HMCN1: variants seen among roughly 807,000 people sequenced by gnomAD.
HMCN1 encodes hemicentin 1, also known as hemicentin-1.
HMCN1 carries 321 observed loss-of-function variants against 625.9 expected under a neutral mutation model. The observed-to-expected ratio is 0.51, with a 90% CI of 0.47 to 0.56. HMCN1 has a LOEUF of 0.56. Ranked by LOEUF, HMCN1 falls within the 20% of genes least tolerant of loss-of-function variation. The pLI is 0.00. For missense variants in HMCN1, 6,588 were observed against 6,887.3 expected (o/e 0.96, Z 1.54); for synonymous variants, 2,425 against 2,417.6 (o/e 1.00, Z -0.09).
chr1:186,171,856 A>G (rs1038781721), intron 101 of HMCN1, 150 bp from the exon 102 acceptor site: 3 of 651,386 alleles, frequency 4.6e-6, no homozygotes, highest in Admixed American at 5.8e-5. Context: ...TGTTACATAC[A>G]TTGTTGAATT....
chr1:185,790,506 T>A (rs1163938558), intron 1 of HMCN1, among the ~76,000 whole-genome samples: 1 of 152,210 alleles, frequency 6.6e-6, no homozygotes, highest in East Asian at 1.9e-4. Context: ...ACTCTTTCTC[T>A]CTGCATATGG....
At chr1:185,876,186 T>G (rs187725789) in intron 4 of HMCN1, among the ~76,000 whole-genome samples, 1 of 152,228 alleles carries the variant, frequency 6.6e-6, no homozygotes, top group East Asian at 1.9e-4. Context: ...GTTTTTGAGT[T>G]ATTTCATTTA....
intron 22 of HMCN1, among the ~76,000 whole-genome samples, chr1:185,992,737 A>G (rs1044187721): frequency 2.0e-5 from 3 of 152,258 alleles, no homozygotes; most frequent in Admixed American, 6.5e-5. Context: ...ACACAATGCA[A>G]TAACATTTTT....
rs768850935 is a variant in HMCN1 at position 185,993,187 on chromosome 1, C to T, written c.3383C>T (p.Thr1128Ile). The T allele has an allele frequency of 3.1e-6, 5 of 1,612,160 alleles. No individual in the cohort carries two copies. The highest frequency in any genetic ancestry group is 1.7e-4 in the Middle Eastern group (1 of 6,046). The change falls in exon 23 of 107, where the codon ACA becomes ATA. Residue 1128 changes from threonine to isoleucine, a missense_variant. Thr to Ile is a moderately conservative substitution (Grantham distance 89). Coordinates refer to ENST00000271588, the MANE Select transcript of HMCN1 (RefSeq NM_031935.3). Reference sequence around the variant, plus strand: ...ATATGGTTTCTTTCTTTTAGACACACATTCCTCCCTTCTGGTTCAATGAAG... The same window carrying T: ...ATATGGTTTCTTTCTTTTAGACACATATTCCTCCCTTCTGGTTCAATGAAG... ...QLISPFSPRH[T>I]FLPSGSMKIT...
At chr1:186,117,313 A>T in intron 76 of HMCN1, 146 bp from the exon 77 acceptor site, 1 of 1,161,716 alleles carries the variant, frequency 8.6e-7, no homozygotes, top group Non-Finnish European at 1.2e-6. Context: ...CCCAGGTATT[A>T]ACCCAGAAAT....
rs200519676 is a variant in HMCN1, at chr1:186,074,837, G to C, written c.8236G>C (p.Val2746Leu). Reference sequence around the variant, plus strand: ...ATCAGACACCGGACGATATACTTGTGTAGCATCTAACATTGCAGGTGAAGA... The same window carrying C: ...ATCAGACACCGGACGATATACTTGTCTAGCATCTAACATTGCAGGTGAAGA... ...QISDTGRYTCVASNIAGEDEL... is the reference protein window; with the variant it reads ...QISDTGRYTCLASNIAGEDEL... Residue 2746 changes from valine (V) to leucine (L), a missense_variant, in exon 53 of 107, where the codon GTA becomes CTA. By Grantham distance (32) the Val-to-Leu change is conservative (BLOSUM62 1). Transcript: ENST00000271588. The C allele has an allele frequency of 3.7e-6, 6 of 1,613,080 alleles. No individual in the cohort carries two copies. The highest frequency in any genetic ancestry group is 5.1e-6 in the Non-Finnish European group (6 of 1,179,338).
At position 186,132,878 on chromosome 1, in the gene HMCN1, G is replaced by A. The variant is rs185790803; in HGVS notation, c.13312+469G>A. Among the ~76,000 whole-genome samples, 54 of 152,094 alleles carry A rather than the reference G, an allele frequency of 3.6e-4. No homozygotes were observed. The South Asian group carries it at 5.0e-3, about 14-fold the overall frequency. On this transcript the variant is annotated intron_variant, in intron 86 of 106. Coordinates refer to ENST00000271588, the MANE Select transcript of HMCN1 (RefSeq NM_031935.3). Reference sequence around the variant, plus strand: ...CATTGTTCAGTTCCCACCTATGAGTGAGAACATGCGGTGTTTGGGTTTTCC... The same window carrying A: ...CATTGTTCAGTTCCCACCTATGAGTAAGAACATGCGGTGTTTGGGTTTTCC...
intron 36 of HMCN1, among the ~76,000 whole-genome samples, chr1:186,034,892 T>G (rs186556039): frequency 6.6e-6 from 1 of 152,292 alleles, no homozygotes; most frequent in East Asian, 1.9e-4. Flanking sequence ...CTGGCATTCT[T>G]GCTGACATCC....
chr1:185,865,607 A>G, intron 3 of HMCN1, 134 bp from the exon 4 acceptor site: 1 of 677,924 alleles, frequency 1.5e-6, no homozygotes, highest in Non-Finnish European at 2.6e-6. Context: ...ACACACACAC[A>G]CACACACACA....
chr1:186,048,969 G>T lies in HMCN1; in HGVS notation c.6577+130G>T, dbSNP rs1012558162. 1.5e-5 allele frequency: 10 copies of T among 667,678 alleles called. No individual in the cohort carries two copies. The South Asian group carries it at 1.6e-4, about 11-fold the overall frequency. The allele number at this position is 667,678 out of a possible 1,614,324, so 41.4% of individuals were successfully genotyped here. On this transcript the variant is annotated intron_variant, in intron 42 of 106. Coordinates refer to ENST00000271588, the MANE Select transcript of HMCN1 (RefSeq NM_031935.3). Reference sequence around the variant, plus strand: ...GAACAACAATTAGTACATTTACATGGTGCTGAACTGTCCTGGGTATCAGTT... The same window carrying T: ...GAACAACAATTAGTACATTTACATGTTGCTGAACTGTCCTGGGTATCAGTT...
chr1:186,167,931 C>T (rs1651978711), intron 100 of HMCN1, among the ~76,000 whole-genome samples: 1 of 152,000 alleles, frequency 6.6e-6, no homozygotes, highest in African/African-American at 2.4e-5. Context: ...AACAAAGCTG[C>T]TATCAGGATT....
chr1:186,080,488 G>A (rs916379525), intron 55 of HMCN1, among the ~76,000 whole-genome samples: 1 of 152,150 alleles, frequency 6.6e-6, no homozygotes, highest in Non-Finnish European at 1.5e-5. Context: ...CATAACTAAT[G>A]TGTAGCTGGA....
chr1:186,003,687 A>G, intron 28 of HMCN1, 31 bp from the exon 29 acceptor site: 2 of 1,611,452 alleles, frequency 1.2e-6, no homozygotes, highest in Non-Finnish European at 8.5e-7. Context: ...GCTGAGTAAC[A>G]GAGTTTCATA....
chr1:186,145,391 T>C lies in HMCN1; in HGVS notation c.14267-12T>C, dbSNP rs756128653. On this transcript the variant is annotated splice_polypyrimidine_tract_variant and intron_variant, in intron 91 of 106. Transcript: ENST00000271588. The stretch of plus-strand genomic sequence containing the variant: ...GGGCTCTGTTTTCATCTCAGATTAT[T>C]CTGTCTTGTAGCCCATGGTAACTGG... The C allele has an allele frequency of 1.3e-6, 2 of 1,544,988 alleles. No individual in the cohort carries two copies. Among genetic ancestry groups the C allele is most frequent in the Non-Finnish European group, 1.7e-6 (2 of 1,148,214 alleles).
In HMCN1 at chr1:185,909,517, T is replaced by C. The variant is rs375021941; in HGVS notation, c.793+9T>C. 37 of 1,608,528 alleles carry C rather than the reference T, an allele frequency of 2.3e-5. No individual in the cohort carries two copies. The highest frequency in any genetic ancestry group is 8.5e-7 in the Non-Finnish European group (1 of 1,175,266). On this transcript the variant is annotated intron_variant, in intron 5 of 106. Transcript: ENST00000271588. ...AATTCGCAATCCTTTAGGTGAGATATATCAAACATCACATAATAAAATACA... is the reference window on the plus strand; with the variant it reads ...AATTCGCAATCCTTTAGGTGAGATACATCAAACATCACATAATAAAATACA...
chr1:185,848,859 T>G (rs1298955986), intron 2 of HMCN1, among the ~76,000 whole-genome samples: 1 of 152,208 alleles, frequency 6.6e-6, no homozygotes, highest in Non-Finnish European at 1.5e-5. Flanking sequence ...TTGACTCCTC[T>G]CCATTTCTTT....
intron 4 of HMCN1, among the ~76,000 whole-genome samples, chr1:185,898,774 A>G (rs1433039893): frequency 1.3e-5 from 2 of 152,114 alleles, no homozygotes; most frequent in African/African-American, 4.8e-5. Context: ...GTTACTTTAA[A>G]TGGGCCTTGT....
At chr1:185,782,947 A>G (rs1571344473) in intron 1 of HMCN1, among the ~76,000 whole-genome samples, 2 of 152,294 alleles carry the variant, frequency 1.3e-5, no homozygotes, top group East Asian at 1.9e-4. Context: ...GTGTTTTCCA[A>G]CTTGGTTCCA....
chr1:186,124,346 A>ATG (rs1487051407), intron 81 of HMCN1, among the ~76,000 whole-genome samples: 5 of 152,036 alleles, frequency 3.3e-5, no homozygotes, highest in Non-Finnish European at 5.9e-5. Flanking sequence ...ACATATCAAA[A>ATG]TGTACAGTGT....
Sources: allele counts gnomAD v4.1 joint callset (sites outside exome capture counted in the v4.1 genomes callset), GRCh38; gene constraint gnomAD v4.1.1; transcripts MANE v1.5; gene names NCBI Gene and HGNC (gene_info 2026-07-23, HGNC 2026-07-21).